The following PCDHGA5 variants were observed in gnomAD, a reference collection of about 807,000 sequenced individuals.
PCDHGA5 encodes protocadherin gamma subfamily A, 5, also known as protocadherin gamma-A5.
Under a neutral mutation model 56.7 loss-of-function variants are expected in PCDHGA5, and 36 were observed. The ratio of observed to expected loss-of-function variants is 0.64; its 90% confidence interval spans 0.49 to 0.84. PCDHGA5 has a LOEUF of 0.84. Ranked by LOEUF, PCDHGA5 falls within the 40% of genes least tolerant of loss-of-function variation. PCDHGA5 has a pLI of 0.00. For missense variants in PCDHGA5, 1,305 were observed against 1,201.5 expected (o/e 1.09, Z -1.27); for synonymous variants, 563 against 520.2 (o/e 1.08, Z -1.12).
chr5:141,477,502 C>A lies in PCDHGA5; in HGVS notation c.2422-17305C>A, dbSNP rs2099412065. On this transcript the variant is annotated intron_variant, in intron 1 of 3. Coordinates refer to ENST00000518069, the MANE Select transcript of PCDHGA5 (RefSeq NM_018918.3). This position sits in a 1 kb window ranked among gnomAD's most constrained non-coding sequence, Gnocchi z 4.9. ...CTCCACAATCTTCTCAATCTTCCTA[C>A]GACGTTTACATTGAAGAAAACAACC... The A allele has an allele frequency of 9.3e-6, 15 of 1,614,026 alleles. No homozygotes were observed. The highest frequency in any genetic ancestry group is 1.3e-5 in the Non-Finnish European group (15 of 1,180,026).
intron 1 of PCDHGA5, chr5:141,422,726 T>C: frequency 5.6e-6 from 9 of 1,605,994 alleles, no homozygotes; most frequent in African/African-American, 4.0e-5. Flanking sequence ...GTCCAGGGGG[T>C]GCCTCTGTCC....
At chr5:141,501,333 A>ACC (rs1554187333) in intron 2 of PCDHGA5, among the ~76,000 whole-genome samples, 192 of 140,118 alleles carry the variant, frequency 1.4e-3, no homozygotes, top group Admixed American at 5.6e-3. Flanking sequence ...ACACACACAC[A>ACC]CCCCAAACTC....
At chr5:141,467,460 T>G (rs1354012953) in intron 1 of PCDHGA5, among the ~76,000 whole-genome samples, 1 of 152,246 alleles carries the variant, frequency 6.6e-6, no homozygotes. Context: ...CCAGTGCTAG[T>G]ACTTGCATGG....
rs77976889 is a variant in PCDHGA5, at chr5:141,493,704, G to C, written c.2422-1103G>C. On this transcript the variant is annotated intron_variant, in intron 1 of 3. Transcript: ENST00000518069. This position sits in a 1 kb window ranked among gnomAD's most constrained non-coding sequence, Gnocchi z 4.3. ...GTGCTGGTGACTCCCGATACACCTG[G>C]AATGCTAGGTTTCTGGGTTCTGCTC... Among the ~76,000 whole-genome samples the C allele has an allele frequency of 1.7e-3, 258 of 152,278 alleles. 2 individuals are homozygous for C. The highest frequency in any genetic ancestry group is 5.7e-3 in the African/African-American group (237 of 41,540).
At chr5:141,430,220 G>A (rs1216694883) in intron 1 of PCDHGA5, among the ~76,000 whole-genome samples, 1 of 148,674 alleles carries the variant, frequency 6.7e-6, no homozygotes, top group Non-Finnish European at 1.5e-5. Flanking sequence ...TATATTATAT[G>A]ATTTGTCAAA....
chr5:141,384,071 C>T, intron 1 of PCDHGA5: 1 of 1,603,192 alleles, frequency 6.2e-7, no homozygotes, highest in Non-Finnish European at 8.5e-7. Context: ...GAAAACCTAC[C>T]TTTTAAATTA....
chr5:141,502,514 T>A (rs2099814743), intron 2 of PCDHGA5, among the ~76,000 whole-genome samples: 1 of 152,202 alleles, frequency 6.6e-6, no homozygotes, highest in African/African-American at 2.4e-5. Flanking sequence ...TGTCCCACTA[T>A]CAGTGATGCC....
intron 1 of PCDHGA5, chr5:141,415,228 C>A: frequency 1.2e-6 from 2 of 1,614,168 alleles, no homozygotes; most frequent in South Asian, 2.2e-5. Flanking sequence ...CTTCGAGTCT[C>A]CAGCTAACTC....
intron 1 of PCDHGA5, among the ~76,000 whole-genome samples, chr5:141,438,591 C>CATATATAT (rs946798767): frequency 3.4e-4 from 26 of 75,528 alleles, no homozygotes; most frequent in Non-Finnish European, 5.4e-4. Flanking sequence ...TACATACATA[C>CATATATAT]ATATATATAT....
chr5:141,508,171 A>G (rs1364776681), intron 3 of PCDHGA5: 2 of 152,406 alleles, frequency 1.3e-5, no homozygotes, highest in African/African-American at 4.8e-5. Context: ...AGGCTGGCAC[A>G]GGAGAGAAGG....
In PCDHGA5 at chr5:141,485,178, T is replaced by A; in HGVS notation, c.2422-9629T>A. The stretch of plus-strand genomic sequence containing the variant: ...GAGAATTAGCGGGCGGCAGCAATGC[T>A]CCGCAAGGTGAGAAGCTGGACAGAA... On this transcript the variant is annotated intron_variant, in intron 1 of 3. Transcript: ENST00000518069. This position sits in a 1 kb window ranked among gnomAD's most constrained non-coding sequence, Gnocchi z 5.7. 1.2e-6 allele frequency: 2 copies of A among 1,612,400 alleles called. No homozygotes were observed. Among genetic ancestry groups the A allele is most frequent in the Non-Finnish European group, 1.7e-6 (2 of 1,178,628 alleles).
intron 2 of PCDHGA5, 91 bp from the exon 3 acceptor site, chr5:141,505,302 G>C: frequency 6.3e-7 from 1 of 1,592,714 alleles, no homozygotes. Context: ...TAGGGTTAGG[G>C]TACTAGGTTT....
At position 141,389,670 on chromosome 5, in the gene PCDHGA5, T is replaced by A. The variant is rs2091868205; in HGVS notation, c.2421+22919T>A. 3 of 1,612,454 alleles carry A rather than the reference T, an allele frequency of 1.9e-6. No homozygotes were observed. The East Asian group carries it at 6.7e-5, about 36-fold the overall frequency. On this transcript the variant is annotated intron_variant, in intron 1 of 3. Transcript: ENST00000518069. The stretch of plus-strand genomic sequence containing the variant: ...CAAGGTAGTGGCGGTGGACGCAGAC[T>A]CAGGACACAACGCCTGGCTGTCCTA...
Position 141,418,518 on chromosome 5 carries a change from C to G in PCDHGA5, c.2421+51767C>G. Reference sequence around the variant, plus strand: ...CTGACCGCCTTAGATGGTGGGGACCCTCCCCGAAGCGGTACTGCTCAGATA... The same window carrying G: ...CTGACCGCCTTAGATGGTGGGGACCGTCCCCGAAGCGGTACTGCTCAGATA... On this transcript the variant is annotated intron_variant, in intron 1 of 3. Coordinates refer to ENST00000518069, the MANE Select transcript of PCDHGA5 (RefSeq NM_018918.3). The G allele has an allele frequency of 2.5e-6, 4 of 1,613,986 alleles. 1 individual carries two copies.
chr5:141,388,631 G>T, intron 1 of PCDHGA5: 2 of 1,613,960 alleles, frequency 1.2e-6, no homozygotes, highest in Non-Finnish European at 1.7e-6. Context: ...TATACAGGGT[G>T]AGCCTTTCAG....
At chr5:141,505,913 T>C (rs1457583355) in intron 3 of PCDHGA5, among the ~76,000 whole-genome samples, 1 of 152,098 alleles carries the variant, frequency 6.6e-6, no homozygotes, top group African/African-American at 2.4e-5. Context: ...AAGCATAGAG[T>C]TCTGGGCCTG....
chr5:141,481,970 A>G (rs2099549884), intron 1 of PCDHGA5, among the ~76,000 whole-genome samples: 1 of 151,510 alleles, frequency 6.6e-6, no homozygotes, highest in Non-Finnish European at 1.5e-5. Flanking sequence ...CTGTAGTCAC[A>G]GCTACTTGGG....
rs376661062 is a variant in PCDHGA5, at chr5:141,432,185, G to T, written c.2422-62622G>T. 6.2e-6 allele frequency: 10 copies of T among 1,613,956 alleles called. No individual in the cohort carries two copies. The highest frequency in any genetic ancestry group is 8.5e-6 in the Non-Finnish European group (10 of 1,180,030). ...AGGAGTTTCCCTCGTCTCTGTGACC[G>T]CCCACGACCCCGACTGTGAAGAGAA... On this transcript the variant is annotated intron_variant, in intron 1 of 3. Coordinates refer to ENST00000518069, the MANE Select transcript of PCDHGA5 (RefSeq NM_018918.3). The surrounding 1 kb of genome is among the most constrained non-coding windows in gnomAD (Gnocchi z 6.0).
At chr5:141,384,531 C>T (rs762355289) in intron 1 of PCDHGA5, 11 of 1,614,116 alleles carry the variant, frequency 6.8e-6, no homozygotes, top group African/African-American at 2.7e-5. Context: ...CTCTCAGCAG[C>T]AACATGTCAC....
Sources: gnomAD v4.1 joint callset for allele counts (sites outside exome capture counted in the v4.1 genomes callset) on GRCh38, gnomAD v4.1.1 for gene constraint, Gnocchi (gnomAD v3.1) non-coding constraint, MANE v1.5 for transcripts, NCBI Gene and HGNC (gene_info 2026-07-23, HGNC 2026-07-21) for gene names.